The following F13A1 variants were observed in gnomAD, a reference collection of about 807,000 sequenced individuals.
F13A1 encodes coagulation factor XIII A chain, also known as FSF, A subunit.
Under a neutral mutation model 80.1 loss-of-function variants are expected in F13A1, and 47 were observed. The observed-to-expected ratio is 0.59, with a 90% CI of 0.46 to 0.75. F13A1 has a LOEUF of 0.75. Among genes scored for constraint, F13A1 ranks in the 30% least tolerant of loss-of-function variants. The pLI is 0.00. For synonymous variants in F13A1, 349 were observed against 344.9 expected (o/e 1.01, Z -0.13); for missense variants, 817 against 930.4 (o/e 0.88, Z 1.59).
intron 8 of F13A1, among the ~76,000 whole-genome samples, chr6:6,219,179 T>C (rs1382861899): frequency 6.6e-6 from 1 of 152,050 alleles, no homozygotes; most frequent in Non-Finnish European, 1.5e-5. Flanking sequence ...GGGAGGTAAG[T>C]ATGAGGCCAA....
chr6:6,152,709 A>G (rs1367685316), intron 13 of F13A1, among the ~76,000 whole-genome samples: 2 of 152,184 alleles, frequency 1.3e-5, no homozygotes, highest in Non-Finnish European at 2.9e-5. Context: ...GGGGCGATCT[A>G]TGTAGAATGC....
At chr6:6,212,479 G>C (rs1272229664) in intron 8 of F13A1, among the ~76,000 whole-genome samples, 1 of 152,188 alleles carries the variant, frequency 6.6e-6, no homozygotes, top group Non-Finnish European at 1.5e-5. Flanking sequence ...CTGTCTGTTA[G>C]AAGGAAAACT....
At chr6:6,255,524 A>G (rs1757691586) in intron 4 of F13A1, among the ~76,000 whole-genome samples, 1 of 152,158 alleles carries the variant, frequency 6.6e-6, no homozygotes, top group African/African-American at 2.4e-5. Context: ...GTGCCTTGGA[A>G]CACGGTAGGA....
At chr6:6,308,110 TTCAAGCAATCC>T (rs1758538915) in intron 2 of F13A1, among the ~76,000 whole-genome samples, 1 of 151,918 alleles carries the variant, frequency 6.6e-6, no homozygotes, top group South Asian at 2.1e-4. Flanking sequence ...GCCTCCTGGG[TTCAAGCAATCC>T]TCCCCACCTC....
intron 4 of F13A1, among the ~76,000 whole-genome samples, chr6:6,261,595 CTGA>C (rs1211508625): frequency 1.2e-5 from 1 of 83,160 alleles, no homozygotes; most frequent in African/African-American, 3.5e-5. Context: ...CCAGGTGATT[CTGA>C]TGTGTTCCAA....
At chr6:6,182,852 A>G (rs1305310266) in intron 10 of F13A1, among the ~76,000 whole-genome samples, 1 of 152,246 alleles carries the variant, frequency 6.6e-6, no homozygotes, top group Non-Finnish European at 1.5e-5. Context: ...TTTCAGCCAC[A>G]TTAGTTCTGC....
chr6:6,297,513 A>C (rs1388508917), intron 3 of F13A1, among the ~76,000 whole-genome samples: 2 of 151,024 alleles, frequency 1.3e-5, no homozygotes, highest in Non-Finnish European at 2.9e-5. Flanking sequence ...CATTTCTTCT[A>C]GATTTTCTAG....
intron 3 of F13A1, among the ~76,000 whole-genome samples, chr6:6,276,603 G>A (rs1284913844): frequency 1.3e-5 from 2 of 152,182 alleles, no homozygotes; most frequent in African/African-American, 4.8e-5. Flanking sequence ...GGTAACTTAA[G>A]TAACTAGCTC....
chr6:6,251,182 C>T (rs1297848899), intron 4 of F13A1, among the ~76,000 whole-genome samples: 1 of 152,140 alleles, frequency 6.6e-6, no homozygotes, highest in African/African-American at 2.4e-5. Flanking sequence ...CTTTAAGTTC[C>T]AAGCAGCAGA....
At chr6:6,174,107 G>A (rs1256207478) in intron 12 of F13A1, among the ~76,000 whole-genome samples, 1 of 152,148 alleles carries the variant, frequency 6.6e-6, no homozygotes, top group African/African-American at 2.4e-5. Context: ...GGAGGCTTTT[G>A]GGCCGAGTGC....
At chr6:6,310,073 T>G (rs781007484) in intron 2 of F13A1, among the ~76,000 whole-genome samples, 1 of 152,228 alleles carries the variant, frequency 6.6e-6, no homozygotes, top group Admixed American at 6.5e-5. Context: ...CCTAGCCTAG[T>G]GTACCTGGTT....
intron 13 of F13A1, among the ~76,000 whole-genome samples, chr6:6,153,916 T>C (rs1469498384): frequency 6.6e-6 from 1 of 152,190 alleles, no homozygotes; most frequent in Admixed American, 6.5e-5. Context: ...GCAGGATCAC[T>C]GGTGCCAGGC....
At chr6:6,148,400 G>A (rs942522988) in intron 14 of F13A1, among the ~76,000 whole-genome samples, 3 of 152,168 alleles carry the variant, frequency 2.0e-5, no homozygotes, top group African/African-American at 7.2e-5. Context: ...TCTGCTTTGG[G>A]TTCAATAACC....
Position 6,266,774 on chromosome 6 carries a change from G to A in F13A1, c.355C>T (p.Pro119Ser). The A allele has an allele frequency of 6.2e-7, 1 of 1,614,156 alleles. No individual in the cohort carries two copies. Among genetic ancestry groups the A allele is most frequent in the Non-Finnish European group, 8.5e-7 (1 of 1,180,020 alleles). ...TGTAACTCTGAGACTATAGGCACTG[G>A]GATGTAGGTTCCCTTGTTCTCCTGT... ...YPQENKGTYI[P>S]VPIVSELQSG... Residue 119 changes from proline to serine, a missense_variant, in exon 4 of 15, where the codon CCA becomes TCA. Physicochemically the swap from Pro to Ser is moderately conservative, Grantham distance 74 (BLOSUM62 -1). Transcript: ENST00000264870.
intron 7 of F13A1, among the ~76,000 whole-genome samples, chr6:6,223,774 C>G (rs988726272): frequency 6.6e-6 from 1 of 151,610 alleles, no homozygotes; most frequent in African/African-American, 2.4e-5. Flanking sequence ...TTTAAATGAC[C>G]TCCCTCCAGC....
chr6:6,306,418 T>C (rs939521079), intron 2 of F13A1, among the ~76,000 whole-genome samples: 1 of 152,238 alleles, frequency 6.6e-6, no homozygotes, highest in African/African-American at 2.4e-5. Context: ...TAGCCTAACA[T>C]GTTCCACTTC....
chr6:6,239,341 A>G lies in F13A1; in HGVS notation c.798+8971T>C, dbSNP rs138147656. 2.3e-3 allele frequency among the ~76,000 whole-genome samples: 345 copies of G among 152,294 alleles called. 3 individuals carry two copies. The highest frequency in any genetic ancestry group is 8.0e-3 in the African/African-American group (332 of 41,580). On this transcript the variant is annotated intron_variant, in intron 6 of 14. Transcript: ENST00000264870. ...GAGGTGGGGATTGACCGGAAGAAGC[A>G]CGAGGGAAACTTCTGAGCTTGTGGA...
intron 3 of F13A1, among the ~76,000 whole-genome samples, chr6:6,274,647 C>T (rs150522086): frequency 1.2e-3 from 183 of 152,264 alleles, no homozygotes; most frequent in African/African-American, 4.1e-3. Flanking sequence ...CTGTGAAGCC[C>T]CTTCAGTGAA....
chr6:6,241,876 T>TATA (rs566594197), intron 6 of F13A1, among the ~76,000 whole-genome samples: 3,674 of 152,228 alleles, frequency 0.024, 134 homozygotes, highest in African/African-American at 0.08. Flanking sequence ...TCTGAATATT[T>TATA]ATAATTAAGG....
Sources: gnomAD v4.1 joint callset for allele counts (sites outside exome capture counted in the v4.1 genomes callset) on GRCh38, gnomAD v4.1.1 for gene constraint, MANE v1.5 for transcripts, NCBI Gene and HGNC (gene_info 2026-07-23, HGNC 2026-07-21) for gene names.